Variants in ROBO2 observed in about 807,000 individuals in gnomAD.
ROBO2 encodes roundabout guidance receptor 2.
In ROBO2, 53 loss-of-function variants were observed where a neutral mutation model predicts 160.8. The observed-to-expected ratio is 0.33, with a 90% CI of 0.26 to 0.41. The LOEUF is 0.41. Ranked by LOEUF, ROBO2 falls within the 10% of genes least tolerant of loss-of-function variation. The pLI is 1.00. For missense variants in ROBO2, 1,577 were observed against 1,722.4 expected, an observed-to-expected ratio of 0.92 and a Z score of 1.49; for synonymous variants, 664 against 611.7, an observed-to-expected ratio of 1.09 and a Z score of -1.26.
intron 2 of ROBO2, among the ~76,000 whole-genome samples, chr3:76,412,243 C>A (rs1182394605): frequency 6.6e-6 from 1 of 152,178 alleles, no homozygotes; most frequent in Non-Finnish European, 1.5e-5. Context: ...GTCCCTCCCC[C>A]TGGGTTACTC....
intron 2 of ROBO2, among the ~76,000 whole-genome samples, chr3:76,433,651 G>A (rs1295915523): frequency 6.6e-6 from 1 of 152,160 alleles, no homozygotes; most frequent in Non-Finnish European, 1.5e-5. Flanking sequence ...ACTTGAGTAA[G>A]AAGATGACAG....
At chr3:75,995,628 C>T (rs1360933185) in intron 2 of ROBO2, among the ~76,000 whole-genome samples, 5 of 151,996 alleles carry the variant, frequency 3.3e-5, no homozygotes, top group Non-Finnish European at 2.9e-5. Context: ...CCTAGTGGAG[C>T]TGTGAGAAGA....
chr3:76,418,251 G>A (rs1045372717), intron 2 of ROBO2, among the ~76,000 whole-genome samples: 1 of 150,796 alleles, frequency 6.6e-6, no homozygotes, highest in African/African-American at 2.4e-5. Context: ...GAGAGAGAGG[G>A]AGAGAGAGAG....
intron 2 of ROBO2, among the ~76,000 whole-genome samples, chr3:76,840,209 C>CT (rs936091132): frequency 5.3e-5 from 8 of 151,252 alleles, no homozygotes; most frequent in Non-Finnish European, 1.0e-4. Context: ...TGTTTTATTT[C>CT]TTTTTTTTCC....
At chr3:76,156,763 T>C (rs1050177391) in intron 2 of ROBO2, among the ~76,000 whole-genome samples, 15 of 151,964 alleles carry the variant, frequency 9.9e-5, no homozygotes, top group African/African-American at 3.6e-4. Context: ...AAGTCAGGAG[T>C]TGGAGACCAG....
At chr3:76,696,291 C>G (rs1397063696) in intron 2 of ROBO2, among the ~76,000 whole-genome samples, 1 of 152,080 alleles carries the variant, frequency 6.6e-6, no homozygotes, top group African/African-American at 2.4e-5. Context: ...TAGCAATCAA[C>G]AAAGACGTAA....
chr3:77,611,024 C>T lies in ROBO2; in HGVS notation c.3293+3070C>T, dbSNP rs181527809. 1.1e-3 allele frequency among the ~76,000 whole-genome samples: 164 copies of T among 151,830 alleles called. 4 individuals are homozygous for T. The South Asian group carries it at 0.032, about 30-fold the overall frequency. On this transcript the variant is annotated intron_variant, in intron 21 of 25. Transcript: ENST00000461745. ...TTGAAAACTGCATAGGGTGGCTGGG[C>T]GCGGTGGCTCACACCTGTAATCTCA...
chr3:76,451,909 AT>A (rs895931319), intron 2 of ROBO2, among the ~76,000 whole-genome samples: 1 of 152,122 alleles, frequency 6.6e-6, no homozygotes, highest in African/African-American at 2.4e-5. Flanking sequence ...CCTGTTTACA[AT>A]TTTGTCTTGA....
At chr3:76,444,569 A>G (rs563851853) in intron 2 of ROBO2, among the ~76,000 whole-genome samples, 3 of 152,270 alleles carry the variant, frequency 2.0e-5, no homozygotes, top group African/African-American at 7.2e-5. Flanking sequence ...TCACTAGTCA[A>G]GGGGAAAGAG....
intron 2 of ROBO2, among the ~76,000 whole-genome samples, chr3:76,134,887 A>T (rs892387337): frequency 1.3e-5 from 2 of 152,152 alleles, no homozygotes; most frequent in African/African-American, 4.8e-5. Context: ...TAAGTAGGGT[A>T]GACTAAGCCA....
chr3:76,074,708 T>C (rs550205149), intron 2 of ROBO2, among the ~76,000 whole-genome samples: 102 of 152,146 alleles, frequency 6.7e-4, no homozygotes, highest in Non-Finnish European at 1.3e-3. Flanking sequence ...TATAAGACTG[T>C]TCATAGTAAA....
At chr3:76,952,045 T>C (rs1387861569) in intron 2 of ROBO2, among the ~76,000 whole-genome samples, 1 of 152,220 alleles carries the variant, frequency 6.6e-6, no homozygotes, top group Non-Finnish European at 1.5e-5. Flanking sequence ...TGTTTTATTT[T>C]GCCAGTAATG....
At chr3:76,262,386 C>A (rs1706826126) in intron 2 of ROBO2, among the ~76,000 whole-genome samples, 1 of 151,970 alleles carries the variant, frequency 6.6e-6, no homozygotes, top group Admixed American at 6.6e-5. Context: ...ATTTGAATTT[C>A]CATGCACTGT....
intron 2 of ROBO2, among the ~76,000 whole-genome samples, chr3:76,215,825 C>G (rs1441606106): frequency 6.6e-6 from 1 of 152,114 alleles, no homozygotes; most frequent in Non-Finnish European, 1.5e-5. Context: ...CAAAGATAAT[C>G]CTCGAGAAGA....
intron 1 of ROBO2, chr3:75,937,476 T>A: frequency 6.6e-7 from 1 of 1,504,892 alleles, no homozygotes; most frequent in Non-Finnish European, 8.9e-7. Context: ...CCACTCAATA[T>A]GCAGAGTTTA....
At chr3:76,307,986 G>A (rs1192544167) in intron 2 of ROBO2, among the ~76,000 whole-genome samples, 1 of 152,118 alleles carries the variant, frequency 6.6e-6, no homozygotes, top group Non-Finnish European at 1.5e-5. Flanking sequence ...CAAAGGCTTG[G>A]AACTGAGGGG....
chr3:77,201,400 A>C (rs1024788413), intron 2 of ROBO2, among the ~76,000 whole-genome samples: 3 of 152,210 alleles, frequency 2.0e-5, no homozygotes, highest in African/African-American at 7.2e-5. Context: ...TTTGTGCTTA[A>C]CTGGGAACTT....
chr3:77,261,675 T>G (rs2058782684), intron 2 of ROBO2, among the ~76,000 whole-genome samples: 2 of 152,146 alleles, frequency 1.3e-5, no homozygotes, highest in African/African-American at 2.4e-5. Flanking sequence ...GGTGCATGTA[T>G]TTTTTCAAAT....
chr3:77,175,672 G>A (rs946436467), intron 2 of ROBO2, among the ~76,000 whole-genome samples: 2 of 151,958 alleles, frequency 1.3e-5, no homozygotes, highest in Admixed American at 6.6e-5. Context: ...GGTTTAGGTA[G>A]CATTTACAGG....
Sources: allele counts gnomAD v4.1 joint callset (sites outside exome capture counted in the v4.1 genomes callset), GRCh38; gene constraint gnomAD v4.1.1; transcripts MANE v1.5; gene names NCBI Gene and HGNC (gene_info 2026-07-23, HGNC 2026-07-21).